SUGCT: variants seen among roughly 807,000 people sequenced by gnomAD.
The protein encoded by SUGCT is succinyl-CoA:glutarate CoA-transferase.
SUGCT carries 41 observed loss-of-function variants against 55.0 expected under a neutral mutation model. The ratio of observed to expected loss-of-function variants is 0.74; its 90% confidence interval spans 0.58 to 0.97. SUGCT has a LOEUF of 0.97. Ranked by LOEUF, SUGCT falls within the 50% of genes least tolerant of loss-of-function variation. The probability of loss-of-function intolerance (pLI) is 0.00; values close to 1 mark genes in which losing one functional copy is unlikely to be tolerated. For synonymous variants in SUGCT, 187 were observed against 200.4 expected, an observed-to-expected ratio of 0.93 and a Z score of 0.56; for missense variants, 568 against 547.8, an observed-to-expected ratio of 1.04 and a Z score of -0.37.
intron 6 of SUGCT, among the ~76,000 whole-genome samples, chr7:40,208,936 C>A (rs1325877166): frequency 1.3e-5 from 2 of 152,270 alleles, no homozygotes; most frequent in East Asian, 3.9e-4. Context: ...AGGATACATA[C>A]TTGTTATTTG....
intron 9 of SUGCT, among the ~76,000 whole-genome samples, chr7:40,370,823 T>C (rs1029476621): frequency 6.6e-6 from 1 of 152,206 alleles, no homozygotes; most frequent in Non-Finnish European, 1.5e-5. Flanking sequence ...GTGCTGTAAC[T>C]GCTATTTGCA....
At chr7:40,562,921 C>T (rs1028437604) in intron 12 of SUGCT, among the ~76,000 whole-genome samples, 2 of 152,076 alleles carry the variant, frequency 1.3e-5, no homozygotes, top group Non-Finnish European at 2.9e-5. Context: ...TGAAACAGAT[C>T]GGAAGTATGG....
chr7:40,706,362 C>A lies in SUGCT; in HGVS notation c.1090-43072C>A, dbSNP rs184931305. On this transcript the variant is annotated intron_variant, in intron 12 of 13. Coordinates refer to ENST00000335693, the MANE Select transcript of SUGCT (RefSeq NM_001193313.2). ...TCTCTACTAAAAATACAAAAATTAG[C>A]CGGGAGTGGTGGTGCACACCTGTAG... 1.7e-4 allele frequency among the ~76,000 whole-genome samples: 26 copies of A among 152,204 alleles called. 1 individual carries two copies. In the Middle Eastern group the frequency reaches 0.014, roughly 80 times the overall value.
At chr7:40,343,665 A>T (rs1042448663) in intron 9 of SUGCT, among the ~76,000 whole-genome samples, 2 of 150,286 alleles carry the variant, frequency 1.3e-5, no homozygotes, top group South Asian at 2.1e-4. Context: ...TTTTATTATT[A>T]TTTTTTTTTG....
intron 12 of SUGCT, among the ~76,000 whole-genome samples, chr7:40,745,365 AT>A (rs1293696233): frequency 6.6e-6 from 1 of 151,870 alleles, no homozygotes. Flanking sequence ...TATATTACAA[AT>A]TTTTTTCTTC....
At chr7:40,778,940 A>C (rs1364543033) in intron 13 of SUGCT, among the ~76,000 whole-genome samples, 1 of 152,096 alleles carries the variant, frequency 6.6e-6, no homozygotes, top group Non-Finnish European at 1.5e-5. Context: ...CCTTTCAGCC[A>C]CCTCAGGAAT....
chr7:40,395,489 CAA>C (rs36068766), intron 9 of SUGCT, among the ~76,000 whole-genome samples: 2,060 of 45,816 alleles, frequency 0.045, 9 homozygotes, highest in African/African-American at 0.14. Context: ...AACTCTGTCT[CAA>C]AAAAAAAAAA....
chr7:40,346,444 T>G (rs556974986), intron 9 of SUGCT, among the ~76,000 whole-genome samples: 1 of 152,186 alleles, frequency 6.6e-6, no homozygotes, highest in Non-Finnish European at 1.5e-5. Context: ...ATAGGGAATA[T>G]AGGTACAGAC....
chr7:40,460,302 T>C (rs923297746), intron 11 of SUGCT, among the ~76,000 whole-genome samples: 2 of 152,208 alleles, frequency 1.3e-5, no homozygotes, highest in Non-Finnish European at 2.9e-5. Flanking sequence ...CTGTGTGTTG[T>C]GGGACTGATA....
chr7:40,360,185 T>C (rs778117650), intron 9 of SUGCT, among the ~76,000 whole-genome samples: 1 of 152,198 alleles, frequency 6.6e-6, no homozygotes, highest in Non-Finnish European at 1.5e-5. Flanking sequence ...GGCTAATTTT[T>C]GTATTTTTAG....
chr7:40,463,922 A>G (rs1056999338), intron 11 of SUGCT, among the ~76,000 whole-genome samples: 3 of 152,210 alleles, frequency 2.0e-5, no homozygotes, highest in Non-Finnish European at 4.4e-5. Flanking sequence ...ATCCAGCGCC[A>G]GATAAAACAA....
At chr7:40,624,599 G>T (rs1799427018) in intron 12 of SUGCT, among the ~76,000 whole-genome samples, 1 of 152,136 alleles carries the variant, frequency 6.6e-6, no homozygotes, top group Non-Finnish European at 1.5e-5. Context: ...CTGATAAGCT[G>T]CCTTTTTGAA....
In SUGCT at chr7:40,604,194, C is replaced by A. The variant is rs568209520; in HGVS notation, c.1089+107808C>A. 2.0e-4 allele frequency among the ~76,000 whole-genome samples: 31 copies of A among 152,226 alleles called. No homozygotes were observed. The Middle Eastern group carries it at 0.01, about 50-fold the overall frequency. On this transcript the variant is annotated intron_variant, in intron 12 of 13. Transcript: ENST00000335693. Reference sequence around the variant, plus strand: ...TTTGTGACATCTTTCTGAGTGTTCGCCCGAGGCCCTTGCTATCTCCTCCCT... The same window carrying A: ...TTTGTGACATCTTTCTGAGTGTTCGACCGAGGCCCTTGCTATCTCCTCCCT...
At chr7:40,779,112 T>C (rs990306935) in intron 13 of SUGCT, among the ~76,000 whole-genome samples, 23 of 144,002 alleles carry the variant, frequency 1.6e-4, no homozygotes, top group Non-Finnish European at 6.1e-5. Flanking sequence ...TTGATGTCTT[T>C]GCCCCAGAAA....
intron 7 of SUGCT, among the ~76,000 whole-genome samples, chr7:40,249,341 A>ATATATATATATATATATATATG (rs1192387768): frequency 6.1e-5 from 8 of 131,598 alleles, no homozygotes; most frequent in Admixed American, 1.6e-4. Flanking sequence ...ATATATATAT[A>ATATATATATATATATATATATG]TATATAATTA....
intron 12 of SUGCT, among the ~76,000 whole-genome samples, chr7:40,534,968 G>A (rs1189837524): frequency 1.3e-5 from 2 of 151,956 alleles, no homozygotes; most frequent in African/African-American, 2.4e-5. Flanking sequence ...ATTTTTTAAT[G>A]TTTTTAGTGT....
chr7:40,395,249 G>A (rs990503406), intron 9 of SUGCT, among the ~76,000 whole-genome samples: 1 of 152,058 alleles, frequency 6.6e-6, no homozygotes, highest in African/African-American at 2.4e-5. Flanking sequence ...AGCATTTTGG[G>A]AGGCTGAGGC....
At chr7:40,663,483 GTA>G (rs964130921) in intron 12 of SUGCT, among the ~76,000 whole-genome samples, 6 of 139,306 alleles carry the variant, frequency 4.3e-5, no homozygotes, top group Non-Finnish European at 6.1e-5. Context: ...ACTTTGTGGT[GTA>G]TGTGTGTGTG....
intron 9 of SUGCT, among the ~76,000 whole-genome samples, chr7:40,321,113 G>A (rs1190687380): frequency 1.2e-5 from 1 of 82,462 alleles, no homozygotes; most frequent in Non-Finnish European, 2.6e-5. Context: ...GTCTCACTCT[G>A]TCACCCAGGC....
Sources: gnomAD v4.1 joint callset for allele counts (sites outside exome capture counted in the v4.1 genomes callset) on GRCh38, gnomAD v4.1.1 for gene constraint, MANE v1.5 for transcripts, NCBI Gene and HGNC (gene_info 2026-07-23, HGNC 2026-07-21) for gene names.